Variants in PIP5K1B observed in about 807,000 individuals in gnomAD.
The protein encoded by PIP5K1B is phosphatidylinositol 4-phosphate 5-kinase type-1 beta.
PIP5K1B carries 42 observed loss-of-function variants against 67.0 expected under a neutral mutation model. That is an observed-to-expected ratio of 0.63 (90% CI 0.49 to 0.81). The LOEUF is 0.81. Ranked by LOEUF, PIP5K1B falls within the 30% of genes least tolerant of loss-of-function variation. The probability of loss-of-function intolerance (pLI) is 0.00; values close to 1 mark genes in which losing one functional copy is unlikely to be tolerated. For missense variants in PIP5K1B, 459 were observed against 646.3 expected (o/e 0.71, Z 3.14); for synonymous variants, 214 against 231.4 (o/e 0.92, Z 0.68).
chr9:68,799,475 C>T (rs1177214074), intron 2 of PIP5K1B, among the ~76,000 whole-genome samples: 2 of 152,290 alleles, frequency 1.3e-5, no homozygotes, highest in East Asian at 3.9e-4. Context: ...AGGCATCACA[C>T]TTCCTAACTT....
At position 68,791,561 on chromosome 9, in the gene PIP5K1B, C is replaced by G. The variant is rs554853180; in HGVS notation, c.-85-26900C>G. On this transcript the variant is annotated intron_variant, in intron 2 of 15. Coordinates refer to ENST00000265382, the MANE Select transcript of PIP5K1B (RefSeq NM_003558.4). Reference sequence around the variant, plus strand: ...CTTTGAGTCTCTTTCCCTTGATGCTCTCTTCTTTTGAGTCCTCTTGGGGAA... The same window carrying G: ...CTTTGAGTCTCTTTCCCTTGATGCTGTCTTCTTTTGAGTCCTCTTGGGGAA... Among the ~76,000 whole-genome samples, 110 of 152,218 alleles carry G rather than the reference C, an allele frequency of 7.2e-4. 1 individual carries two copies. Among genetic ancestry groups the G allele is most frequent in the African/African-American group, 2.4e-3 (101 of 41,544 alleles).
At chr9:68,859,489 C>G (rs900551262) in intron 4 of PIP5K1B, among the ~76,000 whole-genome samples, 2 of 152,204 alleles carry the variant, frequency 1.3e-5, no homozygotes, top group African/African-American at 4.8e-5. Flanking sequence ...TGTTCTGAAA[C>G]TTAAACCTAT....
rs748480023 is a variant in PIP5K1B at position 68,796,829 on chromosome 9, G to A, written c.-85-21632G>A. On this transcript the variant is annotated intron_variant, in intron 2 of 15. Transcript: ENST00000265382. ...ACCGTTTCCGTCTTTCATAGCTATG[G>A]CAACTTGAGATCCCATGTTTTCTAG... Among the ~76,000 whole-genome samples, 159 of 152,102 alleles carry A rather than the reference G, an allele frequency of 1.0e-3. 1 individual carries two copies. Among genetic ancestry groups the A allele is most frequent in the Non-Finnish European group, 2.0e-3 (135 of 68,024 alleles).
intron 8 of PIP5K1B, among the ~76,000 whole-genome samples, chr9:68,900,902 C>A (rs907327192): frequency 6.6e-6 from 1 of 152,080 alleles, no homozygotes; most frequent in Non-Finnish European, 1.5e-5. Flanking sequence ...GAATCAGATT[C>A]TTAACAGCTA....
chr9:68,974,822 A>AT (rs199931171), intron 14 of PIP5K1B, among the ~76,000 whole-genome samples: 1,952 of 152,256 alleles, frequency 0.013, 27 homozygotes, highest in African/African-American at 0.032. Context: ...TTTTCATATT[A>AT]TTTTTTCAGC....
intron 4 of PIP5K1B, among the ~76,000 whole-genome samples, chr9:68,853,222 C>T (rs568638239): frequency 1.3e-5 from 2 of 152,266 alleles, no homozygotes; most frequent in South Asian, 4.1e-4. Context: ...CCACACAATA[C>T]AAGCTGAAGG....
chr9:68,916,620 T>TC, intron 8 of PIP5K1B, among the ~76,000 whole-genome samples: 1 of 152,282 alleles, frequency 6.6e-6, no homozygotes, highest in East Asian at 1.9e-4. Context: ...ACACCTGTAA[T>TC]CCCAGCACTT....
intron 4 of PIP5K1B, among the ~76,000 whole-genome samples, chr9:68,826,791 G>A (rs1043493599): frequency 2.6e-5 from 4 of 152,048 alleles, no homozygotes; most frequent in South Asian, 2.1e-4. Context: ...TCACTCTATC[G>A]CCCAGGCTGG....
chr9:68,756,057 T>C (rs1002700522), intron 2 of PIP5K1B, among the ~76,000 whole-genome samples: 1 of 152,182 alleles, frequency 6.6e-6, no homozygotes, highest in African/African-American at 2.4e-5. Context: ...CTCATTCCTG[T>C]TGTGCACAAA....
intron 14 of PIP5K1B, among the ~76,000 whole-genome samples, chr9:68,945,471 A>G (rs1827758601): frequency 6.6e-6 from 1 of 152,174 alleles, no homozygotes; most frequent in Non-Finnish European, 1.5e-5. Flanking sequence ...ATGTCTACCT[A>G]TAGTATTTGT....
chr9:68,892,504 GGATTTAAACTCA>G lies in PIP5K1B; in HGVS notation c.472-1834_472-1823del, dbSNP rs541511858. ...GTCTACTTACTGTATTGACATGGAG[GGATTTAAACTCA>G]ATTGGAAAATGTCAGACTGTTCAAT... On this transcript the variant is annotated intron_variant, in intron 7 of 15. Coordinates refer to ENST00000265382, the MANE Select transcript of PIP5K1B (RefSeq NM_003558.4). 9.4e-4 allele frequency among the ~76,000 whole-genome samples: 143 copies of G among 152,104 alleles called. No individual in the cohort carries two copies. The South Asian group carries it at 9.6e-3, about 10-fold the overall frequency.
intron 1 of PIP5K1B, among the ~76,000 whole-genome samples, chr9:68,709,287 G>T (rs1352415125): frequency 4.0e-5 from 6 of 151,710 alleles, no homozygotes; most frequent in Non-Finnish European, 7.4e-5. Context: ...TGTTTCCCAG[G>T]CTGGAGTGCA....
chr9:68,726,608 C>A (rs532953967), intron 1 of PIP5K1B, among the ~76,000 whole-genome samples: 105 of 152,250 alleles, frequency 6.9e-4, no homozygotes, highest in Non-Finnish European at 1.2e-3. Flanking sequence ...ATATTAGCAA[C>A]CTCAACAAAA....
rs1227551492 is a variant in PIP5K1B at position 68,748,963 on chromosome 9, A to G, written c.-86+6306A>G. On this transcript the variant is annotated intron_variant, in intron 2 of 15. Coordinates refer to ENST00000265382, the MANE Select transcript of PIP5K1B (RefSeq NM_003558.4). ...TGTAGGTGACAATGTATAAAGAAAAAAGAATGAGCTTCTGAGGTGGACAGA... is the reference window on the plus strand; with the variant it reads ...TGTAGGTGACAATGTATAAAGAAAAGAGAATGAGCTTCTGAGGTGGACAGA... 2.6e-5 allele frequency among the ~76,000 whole-genome samples: 4 copies of G among 152,134 alleles called. No individual in the cohort carries two copies. The East Asian group carries it at 7.7e-4, about 29-fold the overall frequency.
intron 12 of PIP5K1B, among the ~76,000 whole-genome samples, chr9:68,933,041 A>G (rs1459252121): frequency 6.6e-6 from 1 of 151,904 alleles, no homozygotes; most frequent in Non-Finnish European, 1.5e-5. Flanking sequence ...CGGAGGTTGC[A>G]GTGAGCCGAG....
At chr9:68,924,270 T>C (rs189475727) in intron 12 of PIP5K1B, among the ~76,000 whole-genome samples, 3 of 151,316 alleles carry the variant, frequency 2.0e-5, no homozygotes, top group Admixed American at 2.0e-4. Flanking sequence ...GACGTCGTGG[T>C]ATGCACCTGT....
intron 1 of PIP5K1B, among the ~76,000 whole-genome samples, chr9:68,708,541 G>GCCCCCCCCC (rs35373175): frequency 6.9e-6 from 1 of 145,506 alleles, no homozygotes; most frequent in Non-Finnish European, 1.5e-5. Context: ...TTTGTTTGCC[G>GCCCCCCCCC]CCCCCCCGCC....
At chr9:68,903,637 G>A (rs1825471636) in intron 8 of PIP5K1B, among the ~76,000 whole-genome samples, 1 of 152,156 alleles carries the variant, frequency 6.6e-6, no homozygotes, top group African/African-American at 2.4e-5. Flanking sequence ...ATGGAAATGA[G>A]CTGCTGGCAG....
At position 68,876,731 on chromosome 9, in the gene PIP5K1B, A is replaced by G; in HGVS notation, c.255A>G (p.Thr85=). 1 of 1,611,742 alleles carries G rather than the reference A, an allele frequency of 6.2e-7. No homozygotes were observed. Among genetic ancestry groups the G allele is most frequent in the African/African-American group, 1.3e-5 (1 of 75,002 alleles). Residue 85 remains threonine (T), a synonymous_variant, in exon 6 of 16, where the codon ACA becomes ACG. Transcript: ENST00000265382. ...AHHYPDFRFK[T]YAPLAFRYFR... is the part of the protein sequence containing the mutation. ...ACTACCCAGACTTTAGATTTAAGAC[A>G]TACGCTCCATTAGCATTCCGATATT... is the stretch of plus-strand genomic sequence containing the variant.
Sources: gnomAD v4.1 joint callset for allele counts (sites outside exome capture counted in the v4.1 genomes callset) on GRCh38, gnomAD v4.1.1 for gene constraint, MANE v1.5 for transcripts, NCBI Gene and HGNC (gene_info 2026-07-23, HGNC 2026-07-21) for gene names.